Variants in CDH12 observed in about 807,000 individuals in gnomAD.
CDH12 encodes cadherin-12.
CDH12 carries 41 observed loss-of-function variants against 74.1 expected under a neutral mutation model. The observed-to-expected ratio is 0.55, with a 90% CI of 0.43 to 0.72. CDH12 has a LOEUF of 0.72. Among genes scored for constraint, CDH12 ranks in the 30% least tolerant of loss-of-function variants. The pLI, the probability that CDH12 is intolerant of heterozygous loss-of-function variation, is 0.00. For missense variants in CDH12, 945 were observed against 977.2 expected (o/e 0.97, Z 0.44); for synonymous variants, 399 against 355.0 (o/e 1.12, Z -1.39).
intron 1 of CDH12, among the ~76,000 whole-genome samples, chr5:22,573,861 C>G (rs988884930): frequency 2.6e-5 from 4 of 152,016 alleles, no homozygotes; most frequent in African/African-American, 9.7e-5. Flanking sequence ...ATAAGACACA[C>G]AGTATGCCCC....
intron 1 of CDH12, among the ~76,000 whole-genome samples, chr5:22,528,666 A>G (rs536374208): frequency 3.9e-5 from 6 of 152,266 alleles, no homozygotes; most frequent in Non-Finnish European, 8.8e-5. Context: ...CAACAACATT[A>G]GGAGTGACCA....
chr5:21,899,767 TAAC>T (rs1240725475), intron 6 of CDH12, among the ~76,000 whole-genome samples: 6 of 141,784 alleles, frequency 4.2e-5, no homozygotes, highest in South Asian at 2.4e-4. Context: ...AATATAATAA[TAAC>T]ATTCTTCTAG....
At chr5:21,916,509 C>CTT (rs1561296772) in intron 6 of CDH12, among the ~76,000 whole-genome samples, 1 of 150,000 alleles carries the variant, frequency 6.7e-6, no homozygotes. Flanking sequence ...TCATTTTTTC[C>CTT]ATTTTTTTTT....
chr5:22,164,558 C>T (rs1483215221), intron 4 of CDH12, among the ~76,000 whole-genome samples: 2 of 152,146 alleles, frequency 1.3e-5, no homozygotes, highest in African/African-American at 2.4e-5. Context: ...CAGAAGAGTG[C>T]AGTTGCAAGA....
chr5:22,294,016 T>A (rs1342765356), intron 3 of CDH12, among the ~76,000 whole-genome samples: 4 of 152,172 alleles, frequency 2.6e-5, no homozygotes, highest in Non-Finnish European at 4.4e-5. Flanking sequence ...AATGCATATG[T>A]TAACTACATA....
intron 5 of CDH12, among the ~76,000 whole-genome samples, chr5:21,993,322 C>T (rs1452082532): frequency 2.0e-5 from 3 of 152,146 alleles, no homozygotes; most frequent in East Asian, 3.9e-4. Flanking sequence ...CCTGCATAAT[C>T]TCCAGGACTG....
intron 3 of CDH12, among the ~76,000 whole-genome samples, chr5:22,222,988 T>C (rs79861820): frequency 3.9e-5 from 6 of 151,992 alleles, no homozygotes; most frequent in Admixed American, 3.3e-4. Context: ...TGTTTTTTTT[T>C]CTGATGAACT....
At chr5:22,382,841 A>T (rs112000762) in intron 3 of CDH12, among the ~76,000 whole-genome samples, 35 of 132,194 alleles carry the variant, frequency 2.6e-4, no homozygotes, top group Admixed American at 1.6e-3. Context: ...TATTATTATT[A>T]TTTTTTGAGA....
chr5:22,499,446 G>C (rs564940304), intron 2 of CDH12, among the ~76,000 whole-genome samples: 9 of 152,212 alleles, frequency 5.9e-5, no homozygotes, highest in Admixed American at 2.6e-4. Flanking sequence ...ACCTTCTCTA[G>C]AATGGTTCCT....
At chr5:22,743,088 G>T (rs1043164758) in intron 1 of CDH12, among the ~76,000 whole-genome samples, 1 of 151,320 alleles carries the variant, frequency 6.6e-6, no homozygotes, top group Non-Finnish European at 1.5e-5. Flanking sequence ...GCTCTTTCCA[G>T]TACTTCAGCT....
intron 11 of CDH12, among the ~76,000 whole-genome samples, chr5:21,768,320 C>T (rs1000756976): frequency 6.6e-6 from 1 of 151,720 alleles, no homozygotes; most frequent in African/African-American, 2.4e-5. Context: ...TTAGATCTTC[C>T]TCTCTCTATC....
intron 7 of CDH12, among the ~76,000 whole-genome samples, chr5:21,853,168 A>C (rs1258348840): frequency 6.6e-6 from 1 of 151,500 alleles, no homozygotes; most frequent in African/African-American, 2.4e-5. Flanking sequence ...CTTTTAGATG[A>C]TATTGCTAAA....
chr5:22,725,529 C>A (rs1190892116), intron 1 of CDH12, among the ~76,000 whole-genome samples: 1 of 151,676 alleles, frequency 6.6e-6, no homozygotes, highest in Non-Finnish European at 1.5e-5. Flanking sequence ...ATATCATAGA[C>A]TAAGTATCTT....
chr5:22,543,518 T>G (rs1738190878), intron 1 of CDH12, among the ~76,000 whole-genome samples: 1 of 152,156 alleles, frequency 6.6e-6, no homozygotes, highest in Non-Finnish European at 1.5e-5. Context: ...TATCGATTGT[T>G]GATTCTAATA....
At chr5:22,253,450 G>A (rs932298775) in intron 3 of CDH12, among the ~76,000 whole-genome samples, 1 of 151,822 alleles carries the variant, frequency 6.6e-6, no homozygotes, top group African/African-American at 2.4e-5. Flanking sequence ...GTAGCTTATT[G>A]AAATTACTGT....
intron 6 of CDH12, among the ~76,000 whole-genome samples, chr5:21,877,111 G>A (rs1309893754): frequency 6.6e-6 from 1 of 152,222 alleles, no homozygotes; most frequent in Non-Finnish European, 1.5e-5. Flanking sequence ...ACTGAGGGAC[G>A]AGAATTGCTT....
chr5:22,778,053 C>T (rs1286186659), intron 1 of CDH12, among the ~76,000 whole-genome samples: 1 of 152,154 alleles, frequency 6.6e-6, no homozygotes, highest in African/African-American at 2.4e-5. Context: ...GATCAGCCCA[C>T]CTCAGCCTCC....
At chr5:21,795,107 T>A (rs1478878150) in intron 10 of CDH12, among the ~76,000 whole-genome samples, 6 of 151,694 alleles carry the variant, frequency 4.0e-5, no homozygotes, top group Non-Finnish European at 8.9e-5. Flanking sequence ...ATGTGAATCT[T>A]AATATAATGT....
At chr5:22,547,321 A>T (rs570706635) in intron 1 of CDH12, among the ~76,000 whole-genome samples, 1 of 152,298 alleles carries the variant, frequency 6.6e-6, no homozygotes, top group South Asian at 2.1e-4. Context: ...ATTGAGAGAC[A>T]TGGGTAAGTA....
Sources: allele counts gnomAD v4.1 joint callset (sites outside exome capture counted in the v4.1 genomes callset), GRCh38; gene constraint gnomAD v4.1.1; transcripts MANE v1.5; gene names NCBI Gene and HGNC (gene_info 2026-07-23, HGNC 2026-07-21).